DOCK6: variants seen among roughly 807,000 people sequenced by gnomAD.
The protein encoded by DOCK6 is dedicator of cytokinesis protein 6.
Under a neutral mutation model 230.3 loss-of-function variants are expected in DOCK6, and 167 were observed. The observed-to-expected ratio is 0.73, with a 90% CI of 0.64 to 0.82. The LOEUF is 0.82. Among genes scored for constraint, DOCK6 ranks in the 40% least tolerant of loss-of-function variants. DOCK6 has a pLI of 0.00. For synonymous variants in DOCK6, 1,148 were observed against 1,185.0 expected (o/e 0.97, Z 0.64); for missense variants, 2,598 against 2,825.8 (o/e 0.92, Z 1.83).
intron 37 of DOCK6, among the ~76,000 whole-genome samples, chr19:11,211,096 C>T (rs1001668849): frequency 2.6e-5 from 4 of 151,940 alleles, no homozygotes; most frequent in Non-Finnish European, 5.9e-5. Context: ...TCCCCGCTTC[C>T]TCTATTCACC....
rs767094220 is a variant in DOCK6 at position 11,204,090 on chromosome 19, G to A, written c.5226C>T (p.Ser1742=). The A allele has an allele frequency of 1.5e-4, 226 of 1,547,300 alleles. 1 individual carries two copies. The highest frequency in any genetic ancestry group is 1.8e-4 in the Non-Finnish European group (203 of 1,145,268). Residue 1742 remains serine, a synonymous_variant, in exon 41 of 48, where the codon TCC becomes TCT. Coordinates refer to ENST00000294618, the MANE Select transcript of DOCK6 (RefSeq NM_020812.4). The part of the protein sequence containing the change: ...EAFTKIMHQS[S]GWERVFGTYF... ...ACCAAGGCTGACTCACCTCCCAGCCGGAACTCTGTGGGGAAGAGAAGGGTC... is the reference window on the plus strand; with the variant it reads ...ACCAAGGCTGACTCACCTCCCAGCCAGAACTCTGTGGGGAAGAGAAGGGTC...
rs2079170396 is a variant in DOCK6, at chr19:11,201,684, T to C, written c.5688+205A>G. On this transcript the variant is annotated intron_variant, in intron 44 of 47. Transcript: ENST00000294618. The surrounding 1 kb of genome is among the most constrained non-coding windows in gnomAD (Gnocchi z 4.3). ...CCACCCTGGGTCTGGGGTCCCTGCA[T>C]CTTGCCTCCCAGGTCTCCCTGGGTC... Among the ~76,000 whole-genome samples, 1 of 151,444 alleles carries C rather than the reference T, an allele frequency of 6.6e-6. No individual in the cohort carries two copies. Among genetic ancestry groups the C allele is most frequent in the African/African-American group, 2.4e-5 (1 of 41,148 alleles).
At chr19:11,249,102 T>G (rs920525859) in intron 6 of DOCK6, among the ~76,000 whole-genome samples, 2 of 152,202 alleles carry the variant, frequency 1.3e-5, no homozygotes, top group African/African-American at 4.8e-5. Context: ...TGGTAGGTGT[T>G]CAATAGATAT....
rs1038945610 is a variant in DOCK6, at chr19:11,215,928, C to T, written c.3895-1G>A. On this transcript the variant is annotated splice_acceptor_variant, in intron 30 of 47. Coordinates refer to ENST00000294618, the MANE Select transcript of DOCK6 (RefSeq NM_020812.4). LOFTEE classifies it high-confidence loss of function. The stretch of plus-strand genomic sequence containing the variant: ...TGATGCGTTCAAAGGCCTTTTTCCC[C>T]TGGGGGTGCAGAGAACTGGGGTTCC... 2 of 1,613,556 alleles carry T rather than the reference C, an allele frequency of 1.2e-6. No homozygotes were observed. Among genetic ancestry groups the T allele is most frequent in the East Asian group, 2.2e-5 (1 of 44,876 alleles).
At position 11,200,624 on chromosome 19, in the gene DOCK6, A is replaced by G; in HGVS notation, c.5939+92T>C. 1 of 1,495,340 alleles carries G rather than the reference A, an allele frequency of 6.7e-7. No individual in the cohort carries two copies. The highest frequency in any genetic ancestry group is 9.0e-7 in the Non-Finnish European group (1 of 1,106,334). The allele number at this position is 1,495,340 out of a possible 1,614,324, so 92.6% of individuals were successfully genotyped here. ...AGTGGACTTAATGGGAATCGGGCAGATGGGGGAGCCATGCAGAGATCAGAT... is the reference window on the plus strand; with the variant it reads ...AGTGGACTTAATGGGAATCGGGCAGGTGGGGGAGCCATGCAGAGATCAGAT... On this transcript the variant is annotated intron_variant, in intron 46 of 47. Transcript: ENST00000294618. The surrounding 1 kb of genome is among the most constrained non-coding windows in gnomAD (Gnocchi z 4.3).
At chr19:11,239,128 T>C (rs914426912) in intron 14 of DOCK6, among the ~76,000 whole-genome samples, 43 of 152,102 alleles carry the variant, frequency 2.8e-4, no homozygotes, top group African/African-American at 1.0e-3. Context: ...TCTGGGCATA[T>C]GCAGGTCTTG....
In DOCK6 at chr19:11,222,311, T is replaced by C. The variant is rs1327326197; in HGVS notation, c.3241-63A>G. The C allele has an allele frequency of 6.5e-7, 1 of 1,538,724 alleles. No individual in the cohort carries two copies. The highest frequency in any genetic ancestry group is 2.4e-5 in the East Asian group (1 of 41,420). On this transcript the variant is annotated intron_variant, in intron 26 of 47. Transcript: ENST00000294618. This position sits in a 1 kb window ranked among gnomAD's most constrained non-coding sequence, Gnocchi z 4.0. ...AAGGGTCAGAGGTGGCAGGTCACCATTAAAGCCATCTTGGAGGTGACAGAA... is the reference window on the plus strand; with the variant it reads ...AAGGGTCAGAGGTGGCAGGTCACCACTAAAGCCATCTTGGAGGTGACAGAA...
At chr19:11,260,869 C>T (rs1447806151) in intron 1 of DOCK6, among the ~76,000 whole-genome samples, 48 of 18,508 alleles carry the variant, frequency 2.6e-3, no homozygotes, top group Non-Finnish European at 4.3e-3. Flanking sequence ...GGTGACAGAG[C>T]GAGACTCTGT....
At position 11,253,737 on chromosome 19, in the gene DOCK6, AGGGAGGGGGC is replaced by A. The variant is rs1398408134; in HGVS notation, c.45-21_45-12del. 1 of 1,471,418 alleles carries A rather than the reference AGGGAGGGGGC, an allele frequency of 6.8e-7. No homozygotes were observed. Among genetic ancestry groups the A allele is most frequent in the Non-Finnish European group, 9.0e-7 (1 of 1,116,632 alleles). 91.1% of individuals were successfully genotyped at this position (1,471,418 alleles called of 1,614,324 possible). The stretch of plus-strand genomic sequence containing the variant: ...TCTGCGGCCACCGTCCTGGAAAGAT[AGGGAGGGGGC>A]CATTGGGGACGGGAAAACTCAGGCA... On this transcript the variant is annotated splice_polypyrimidine_tract_variant and intron_variant, in intron 1 of 47. Transcript: ENST00000294618.
chr19:11,219,179 T>TG (rs1237611322), intron 28 of DOCK6, among the ~76,000 whole-genome samples: 4 of 112,610 alleles, frequency 3.6e-5, no homozygotes, highest in Admixed American at 1.8e-4. Context: ...GCCCGGTTTT[T>TG]TTTTTTTTTT....
chr19:11,203,281 C>A (rs746834986), intron 41 of DOCK6: 36 of 170,718 alleles, frequency 2.1e-4, no homozygotes, highest in Non-Finnish European at 4.1e-4. Flanking sequence ...TGTTCACTTA[C>A]CAAGGCCGAT....
chr19:11,248,686 T>A (rs1398945406), intron 6 of DOCK6, among the ~76,000 whole-genome samples: 1 of 152,108 alleles, frequency 6.6e-6, no homozygotes, highest in Non-Finnish European at 1.5e-5. Context: ...TGAGGGACAA[T>A]TACCAGCACC....
rs1254851610 is a variant in DOCK6, at chr19:11,243,054, C to T, written c.1480+5G>A. ...TACTTCTTGTGTATGGGGTGTGCCA[C>T]GCACCAGTCACAGGACGTAGTCGCC... On this transcript the variant is annotated splice_donor_5th_base_variant and intron_variant, in intron 13 of 47. Transcript: ENST00000294618. The surrounding 1 kb of genome is among the most constrained non-coding windows in gnomAD (Gnocchi z 6.3). 3 of 1,613,764 alleles carry T rather than the reference C, an allele frequency of 1.9e-6. No individual in the cohort carries two copies. Among genetic ancestry groups the T allele is most frequent in the East Asian group, 2.2e-5 (1 of 44,872 alleles).
chr19:11,256,899 G>A (rs552685527), intron 1 of DOCK6, among the ~76,000 whole-genome samples: 3 of 151,798 alleles, frequency 2.0e-5, no homozygotes, highest in African/African-American at 7.2e-5. Flanking sequence ...GGATGGTCTC[G>A]AACTCCTGAC....
intron 1 of DOCK6, among the ~76,000 whole-genome samples, chr19:11,259,319 T>C (rs1599299784): frequency 2.0e-5 from 3 of 152,052 alleles, no homozygotes; most frequent in East Asian, 1.9e-4. Context: ...TGAGCCATCA[T>C]ACCTGGCCCA....
At position 11,202,372 on chromosome 19, in the gene DOCK6, G is replaced by A. The variant is rs762309514; in HGVS notation, c.5451+22C>T. The A allele has an allele frequency of 6.2e-6, 10 of 1,610,088 alleles. No individual in the cohort carries two copies. Among genetic ancestry groups the A allele is most frequent in the Non-Finnish European group, 7.6e-6 (9 of 1,178,028 alleles). On this transcript the variant is annotated intron_variant, in intron 43 of 47. Transcript: ENST00000294618. This position sits in a 1 kb window ranked among gnomAD's most constrained non-coding sequence, Gnocchi z 5.3. The stretch of plus-strand genomic sequence containing the variant: ...GAGTCTCTGTGAATCTAAGATTTTG[G>A]GGAAATGGTTGGGGGACCCACCTTT...
rs1407474983 is a variant in DOCK6 at position 11,243,558 on chromosome 19, G to A, written c.1257C>T (p.Gly419=). 13 of 1,596,916 alleles carry A rather than the reference G, an allele frequency of 8.1e-6. No individual in the cohort carries two copies. Among genetic ancestry groups the A allele is most frequent in the Non-Finnish European group, 1.0e-5 (12 of 1,173,318 alleles). Residue 419 remains glycine (G), a splice_region_variant and synonymous_variant, in exon 11 of 48, where the codon GGC becomes GGT. Coordinates refer to ENST00000294618, the MANE Select transcript of DOCK6 (RefSeq NM_020812.4). The surrounding 1 kb of genome is among the most constrained non-coding windows in gnomAD (Gnocchi z 6.3). ...GQLDRDSDSE[G]ERRPAWTDRR... is the part of the protein sequence containing the mutation. Reference sequence around the variant, plus strand: ...AGCCTGTTAGCCCCGCCTCCTCACCGCCCTCCGAGTCAGAGTCCCGGTCCA... The same window carrying A: ...AGCCTGTTAGCCCCGCCTCCTCACCACCCTCCGAGTCAGAGTCCCGGTCCA...
At chr19:11,226,575 T>C (rs942349686) in intron 24 of DOCK6, among the ~76,000 whole-genome samples, 1 of 152,100 alleles carries the variant, frequency 6.6e-6, no homozygotes, top group African/African-American at 2.4e-5. Context: ...GGAGAATCGC[T>C]TGAACCTGGG....
intron 28 of DOCK6, chr19:11,221,554 T>C (rs2079578631): frequency 2.8e-6 from 1 of 357,276 alleles, no homozygotes; most frequent in Non-Finnish European, 5.1e-6. Flanking sequence ...AAATAATAAA[T>C]GGTACAATAA....
Sources: allele counts gnomAD v4.1 joint callset (sites outside exome capture counted in the v4.1 genomes callset), GRCh38; gene constraint gnomAD v4.1.1; non-coding constraint Gnocchi (gnomAD v3.1); transcripts MANE v1.5; gene names NCBI Gene and HGNC (gene_info 2026-07-23, HGNC 2026-07-21).